The following SLC30A8 variants were observed in gnomAD, a reference collection of about 807,000 sequenced individuals.
The protein encoded by SLC30A8 is solute carrier family 30 member 8.
SLC30A8 carries 27 observed loss-of-function variants against 36.9 expected under a neutral mutation model. That is an observed-to-expected ratio of 0.73 (90% confidence interval 0.54 to 1.01). The LOEUF (loss-of-function observed/expected upper bound fraction) is 1.01. SLC30A8 is among the 50% of genes least tolerant of loss of function. SLC30A8 has a pLI of 0.00. For missense variants in SLC30A8, 439 were observed against 452.0 expected (o/e 0.97, Z 0.26); for synonymous variants, 164 against 172.4 (o/e 0.95, Z 0.38).
chr8:117,045,334 C>A (rs987848876), intron 2 of SLC30A8, among the ~76,000 whole-genome samples: 13 of 152,188 alleles, frequency 8.5e-5, no homozygotes, highest in African/African-American at 2.7e-4. Context: ...TTCATCGTTC[C>A]CCCACCGTAC....
intron 2 of SLC30A8, among the ~76,000 whole-genome samples, chr8:117,108,787 T>C (rs1028907914): frequency 6.6e-6 from 1 of 152,176 alleles, no homozygotes; most frequent in African/African-American, 2.4e-5. Context: ...CATTTCAGAA[T>C]TGAGCAACAG....
chr8:117,134,480 T>TG (rs1821269140), upstream of SLC30A8, among the ~76,000 whole-genome samples: 1 of 151,952 alleles, frequency 6.6e-6, no homozygotes, highest in Non-Finnish European at 1.5e-5. Flanking sequence ...TCCTAGGAGT[T>TG]GAGGAGTGTG....
At chr8:117,081,218 G>A (rs541891772) in intron 2 of SLC30A8, among the ~76,000 whole-genome samples, 197 of 152,234 alleles carry the variant, frequency 1.3e-3, no homozygotes, top group African/African-American at 4.7e-3. Flanking sequence ...AGGGCACAGT[G>A]AATGTATTAG....
intron 2 of SLC30A8, among the ~76,000 whole-genome samples, chr8:117,088,748 G>A (rs1214515384): frequency 2.6e-5 from 4 of 152,210 alleles, no homozygotes; most frequent in Admixed American, 6.5e-5. Flanking sequence ...CCGTGTGCAC[G>A]TAGACCCTAT....
At chr8:117,134,329 A>G (rs1821263288), upstream of SLC30A8, among the ~76,000 whole-genome samples, 1 of 151,920 alleles carries the variant, frequency 6.6e-6, no homozygotes, top group South Asian at 2.1e-4. Context: ...CTCTTTCTCT[A>G]CCGTTGTGTA....
intron 2 of SLC30A8, among the ~76,000 whole-genome samples, chr8:117,110,979 T>C (rs1025530756): frequency 6.6e-6 from 1 of 152,240 alleles, no homozygotes; most frequent in Middle Eastern, 3.4e-3. Flanking sequence ...TAACATGGCA[T>C]AGTGATTAAT....
chr8:117,036,108 T>A lies in SLC30A8; in HGVS notation c.-265-3111T>A, dbSNP rs557389886. ...CGCAACTTTCTCCAGCCAGTTTGAA[T>A]TCCCCCCCCCAGAAAATGGGGTTTT... On this transcript the variant is annotated intron_variant, in intron 1 of 10. Transcript: ENST00000427715. Among the ~76,000 whole-genome samples, 332 of 140,818 alleles carry A rather than the reference T, an allele frequency of 2.4e-3. 1 individual carries two copies. The highest frequency in any genetic ancestry group is 8.5e-3 in the African/African-American group (319 of 37,672). The allele number at this position is 140,818 out of a possible 152,430, so 92.4% of individuals were successfully genotyped here. A position where few individuals can be genotyped will look rare whatever the true frequency, so the allele number is the denominator to read the frequency against.
At chr8:117,133,071 C>T (rs937026330), upstream of SLC30A8, among the ~76,000 whole-genome samples, 2 of 152,058 alleles carry the variant, frequency 1.3e-5, no homozygotes, top group African/African-American at 4.8e-5. Flanking sequence ...ATGTAACATA[C>T]ATATCCACAC....
chr8:117,149,029 A>G (rs1822036976), intron 2 of SLC30A8, among the ~76,000 whole-genome samples: 1 of 152,140 alleles, frequency 6.6e-6, no homozygotes, highest in African/African-American at 2.4e-5. Context: ...CCTCATTTCA[A>G]TATTTATATC....
chr8:117,126,814 C>T (rs1041966517), intron 2 of SLC30A8, among the ~76,000 whole-genome samples: 8 of 152,032 alleles, frequency 5.3e-5, no homozygotes, highest in Admixed American at 2.6e-4. Context: ...AGGAAAAACT[C>T]GAAATAGCTG....
chr8:117,097,949 TTTAAATAAATATA>T (rs1297973040), intron 2 of SLC30A8, among the ~76,000 whole-genome samples: 11 of 117,640 alleles, frequency 9.4e-5, no homozygotes, highest in Non-Finnish European at 1.5e-4. Flanking sequence ...AATATATAAT[TTTAAATAAATATA>T]TTAAATAAAT....
intron 1 of SLC30A8, among the ~76,000 whole-genome samples, chr8:117,145,371 T>C (rs1248126986): frequency 6.6e-6 from 1 of 152,010 alleles, no homozygotes; most frequent in Non-Finnish European, 1.5e-5. Context: ...GATTTTTTTT[T>C]GTAATCCAGA....
Position 117,157,682 on chromosome 8 carries a change from A to T in SLC30A8, c.419-9A>T. Reference sequence around the variant, plus strand: ...GTGTGTGGGTTTCTGTGTGTGTTTGAATTCCTAGAGATCCTTGGTGCCCTG... The same window carrying T: ...GTGTGTGGGTTTCTGTGTGTGTTTGTATTCCTAGAGATCCTTGGTGCCCTG... On this transcript the variant is annotated splice_polypyrimidine_tract_variant and intron_variant, in intron 3 of 7. Coordinates refer to ENST00000456015, the MANE Select transcript of SLC30A8 (RefSeq NM_173851.3). 1 of 1,613,574 alleles carries T rather than the reference A, an allele frequency of 6.2e-7. No individual in the cohort carries two copies. Among genetic ancestry groups the T allele is most frequent in the Admixed American group, 1.7e-5 (1 of 59,980 alleles).
chr8:117,031,000 C>G (rs1817027258), intron 1 of SLC30A8, among the ~76,000 whole-genome samples: 1 of 152,112 alleles, frequency 6.6e-6, no homozygotes, highest in Non-Finnish European at 1.5e-5. Flanking sequence ...TCTAAGCTTA[C>G]TAACAACAAC....
chr8:117,162,029 A>G (rs1186232779), intron 5 of SLC30A8, 141 bp downstream of exon 5: 3 of 641,284 alleles, frequency 4.7e-6, no homozygotes, highest in Non-Finnish European at 7.6e-6. Context: ...GCAAGCAAAC[A>G]CTCAACCATG....
chr8:116,976,244 T>TCTTTC (rs1563730715), intron 1 of SLC30A8, among the ~76,000 whole-genome samples: 6 of 140,814 alleles, frequency 4.3e-5, no homozygotes, highest in African/African-American at 1.6e-4. Context: ...TTCTCTCTCT[T>TCTTTC]TTTTTTTTTT....
chr8:117,093,358 T>G (rs1210452294), intron 2 of SLC30A8, among the ~76,000 whole-genome samples: 2 of 151,030 alleles, frequency 1.3e-5, no homozygotes, highest in Non-Finnish European at 2.9e-5. Context: ...CTCATTCTTA[T>G]TAAGTCTTAT....
chr8:117,097,899 A>C (rs557447628), intron 2 of SLC30A8, among the ~76,000 whole-genome samples: 2 of 99,890 alleles, frequency 2.0e-5, no homozygotes, highest in East Asian at 5.6e-4. Flanking sequence ...TATATATTAT[A>C]TATAATATAT....
At chr8:117,098,092 A>AAT (rs1819540895) in intron 2 of SLC30A8, among the ~76,000 whole-genome samples, 5 of 141,024 alleles carry the variant, frequency 3.5e-5, no homozygotes, top group Non-Finnish European at 7.5e-5. Flanking sequence ...TATATATTAT[A>AAT]TATAATATAC....
Sources: gnomAD v4.1 joint callset for allele counts (sites outside exome capture counted in the v4.1 genomes callset) on GRCh38, gnomAD v4.1.1 for gene constraint, MANE v1.5 for transcripts, NCBI Gene and HGNC (gene_info 2026-07-23, HGNC 2026-07-21) for gene names.